The following DLG2 variants were observed in gnomAD, a reference collection of about 807,000 sequenced individuals.
DLG2 encodes disks large homolog 2.
A neutral mutation model predicts 132.5 loss-of-function variants in DLG2; 45 were observed. The observed-to-expected ratio is 0.34, with a 90% CI of 0.27 to 0.44. The LOEUF (loss-of-function observed/expected upper bound fraction) is 0.44. DLG2 is among the 20% of genes least tolerant of loss of function. DLG2 has a pLI of 1.00. For synonymous variants in DLG2, 424 were observed against 419.6 expected (o/e 1.01, Z -0.13); for missense variants, 1,045 against 1,196.9 (o/e 0.87, Z 1.87).
At chr11:83,627,314 C>T (rs1004888055) in intron 19 of DLG2, among the ~76,000 whole-genome samples, 5 of 151,884 alleles carry the variant, frequency 3.3e-5, no homozygotes, top group Non-Finnish European at 7.4e-5. Flanking sequence ...CCAGTTAACT[C>T]GTCATTTAGC....
chr11:84,947,204 T>G (rs2050328288), intron 6 of DLG2, among the ~76,000 whole-genome samples: 1 of 152,190 alleles, frequency 6.6e-6, no homozygotes, highest in Non-Finnish European at 1.5e-5. Context: ...CTTACCTGAT[T>G]TTTGGTTCTT....
intron 6 of DLG2, among the ~76,000 whole-genome samples, chr11:84,826,659 G>GTTTAAAAAAAATCAAC (rs1566069420): frequency 7.2e-5 from 11 of 151,860 alleles, no homozygotes; most frequent in Non-Finnish European, 1.5e-4. Flanking sequence ...TCTAGAGACA[G>GTTTAAAAAAAATCAAC]TGCTCTATTC....
At chr11:85,463,987 T>C (rs374734914) in intron 3 of DLG2, among the ~76,000 whole-genome samples, 1 of 5,276 alleles carries the variant, frequency 1.9e-4, no homozygotes, top group African/African-American at 6.5e-4. Flanking sequence ...TAGACATACA[T>C]GTACACACAC....
chr11:84,879,909 C>A (rs2154053293), intron 6 of DLG2, among the ~76,000 whole-genome samples: 1 of 152,116 alleles, frequency 6.6e-6, no homozygotes. Flanking sequence ...AAAAACGCAG[C>A]CTAGCATAAT....
intron 6 of DLG2, among the ~76,000 whole-genome samples, chr11:85,057,663 C>A (rs946712658): frequency 4.0e-5 from 6 of 151,400 alleles, no homozygotes; most frequent in Non-Finnish European, 7.4e-5. Context: ...TTAAGGCCAG[C>A]GTATTTTTGA....
At chr11:84,855,453 G>C (rs190293073) in intron 6 of DLG2, among the ~76,000 whole-genome samples, 2 of 152,028 alleles carry the variant, frequency 1.3e-5, no homozygotes, top group Non-Finnish European at 2.9e-5. Context: ...TGTAGCTAGA[G>C]AGTAAAATAT....
chr11:83,797,471 C>A (rs942158453), intron 17 of DLG2, among the ~76,000 whole-genome samples: 10 of 151,924 alleles, frequency 6.6e-5, no homozygotes, highest in African/African-American at 2.2e-4. Context: ...AGGAATGAAA[C>A]CCAGGCAGTG....
intron 4 of DLG2, among the ~76,000 whole-genome samples, chr11:85,262,024 G>T (rs778954192): frequency 1.3e-5 from 2 of 152,176 alleles, no homozygotes; most frequent in African/African-American, 2.4e-5. Flanking sequence ...TGAGGCTAGA[G>T]AATTTGGCGA....
At chr11:84,968,739 T>C (rs1374128594) in intron 6 of DLG2, among the ~76,000 whole-genome samples, 1 of 152,152 alleles carries the variant, frequency 6.6e-6, no homozygotes, top group Non-Finnish European at 1.5e-5. Flanking sequence ...TTTTGTTTTA[T>C]ACGTGGGAAA....
At chr11:84,207,081 C>CTATATA (rs66827556) in intron 8 of DLG2, among the ~76,000 whole-genome samples, 1,734 of 146,962 alleles carry the variant, frequency 0.012, 29 homozygotes, top group African/African-American at 0.033. Flanking sequence ...CTCTCTCTCT[C>CTATATA]TATATATATA....
intron 3 of DLG2, among the ~76,000 whole-genome samples, chr11:85,368,496 G>A (rs2084722710): frequency 6.6e-6 from 1 of 152,270 alleles, no homozygotes; most frequent in South Asian, 2.1e-4. Flanking sequence ...CACCTCCACT[G>A]TTCTCCTAAA....
intron 19 of DLG2, among the ~76,000 whole-genome samples, chr11:83,623,659 A>G (rs2062006523): frequency 1.3e-5 from 2 of 152,228 alleles, no homozygotes; most frequent in South Asian, 4.1e-4. Flanking sequence ...CTATTTAATC[A>G]TCATCTTTAA....
intron 7 of DLG2, among the ~76,000 whole-genome samples, chr11:84,305,610 T>C (rs1276694743): frequency 6.6e-6 from 1 of 152,128 alleles, no homozygotes; most frequent in Non-Finnish European, 1.5e-5. Flanking sequence ...TCTGTCTATC[T>C]ATCTATTTAT....
intron 3 of DLG2, among the ~76,000 whole-genome samples, chr11:85,545,361 T>C (rs186485721): frequency 9.2e-5 from 14 of 152,306 alleles, no homozygotes; most frequent in African/African-American, 3.4e-4. Flanking sequence ...GTGGATAAGC[T>C]TTTTGATGTG....
intron 7 of DLG2, among the ~76,000 whole-genome samples, chr11:84,272,953 C>T (rs920971951): frequency 9.9e-5 from 15 of 151,950 alleles, no homozygotes; most frequent in Non-Finnish European, 1.8e-4. Flanking sequence ...TCTTTCTCAC[C>T]GATTAATGCT....
At position 84,714,647 on chromosome 11, in the gene DLG2, T is replaced by TCTTTCTC. The variant is rs2060981509; in HGVS notation, c.358-179917_358-179916insGAGAAAG. Among the ~76,000 whole-genome samples, 130 of 90,656 alleles carry TCTTTCTC rather than the reference T, an allele frequency of 1.4e-3. 2 individuals carry two copies. The highest frequency in any genetic ancestry group is 2.5e-3 in the Non-Finnish European group (118 of 47,564). 59.5% of individuals were successfully genotyped at this position (90,656 alleles called of 152,430 possible). ...TTTCTCTCTCTCTCTCTCTCTCTCT[T>TCTTTCTC]TCTCTCTCTCTCTCTCTCTCTCTCT... is the stretch of plus-strand genomic sequence containing the variant. On this transcript the variant is annotated intron_variant, in intron 6 of 27. Transcript: ENST00000376104.
chr11:84,747,190 C>T (rs1210382353), intron 6 of DLG2, among the ~76,000 whole-genome samples: 1 of 152,096 alleles, frequency 6.6e-6, no homozygotes, highest in African/African-American at 2.4e-5. Context: ...GATGAATAGG[C>T]AACAAAAAGC....
At chr11:84,122,468 C>G (rs1315433686) in intron 9 of DLG2, among the ~76,000 whole-genome samples, 1 of 152,078 alleles carries the variant, frequency 6.6e-6, no homozygotes, top group Non-Finnish European at 1.5e-5. Context: ...CTGTCTTCAC[C>G]AAGATTTTTG....
chr11:84,777,008 T>C (rs1211816200), intron 6 of DLG2, among the ~76,000 whole-genome samples: 1 of 151,932 alleles, frequency 6.6e-6, no homozygotes, highest in African/African-American at 2.4e-5. Flanking sequence ...TAACATACAT[T>C]GTACCCATTA....
Sources: gnomAD v4.1 joint callset for allele counts (sites outside exome capture counted in the v4.1 genomes callset) on GRCh38, gnomAD v4.1.1 for gene constraint, MANE v1.5 for transcripts, NCBI Gene and HGNC (gene_info 2026-07-23, HGNC 2026-07-21) for gene names.